Variants in PML observed in about 807,000 individuals in gnomAD.
The protein encoded by PML is protein PML.
PML carries 28 observed loss-of-function variants against 65.2 expected under a neutral mutation model. That is an observed-to-expected ratio of 0.43 (90% confidence interval 0.32 to 0.59). The LOEUF is 0.59. Ranked by LOEUF, PML falls within the 20% of genes least tolerant of loss-of-function variation. PML has a pLI of 0.08. For synonymous variants in PML, 500 were observed against 508.8 expected, an observed-to-expected ratio of 0.98 and a Z score of 0.23; for missense variants, 1,021 against 1,203.4, an observed-to-expected ratio of 0.85 and a Z score of 2.24.
chr15:74,035,910 C>T lies in PML; in HGVS notation c.1710+1380C>T. The T allele has an allele frequency of 6.2e-7, 1 of 1,613,892 alleles. No individual in the cohort carries two copies. The highest frequency in any genetic ancestry group is 8.5e-7 in the Non-Finnish European group (1 of 1,180,024). Reference sequence around the variant, plus strand: ...ACCACCCTGTGCCCCAGAAAGGCCCCCCATCAGCCCAGTCCCAGGCGCCCG... The same window carrying T: ...ACCACCCTGTGCCCCAGAAAGGCCCTCCATCAGCCCAGTCCCAGGCGCCCG... On this transcript the variant is annotated intron_variant, in intron 7 of 8. Transcript: ENST00000268058. The surrounding 1 kb of genome is among the most constrained non-coding windows in gnomAD (Gnocchi z 4.1).
Position 74,044,481 on chromosome 15 carries a change from C to T in PML, c.2122C>T (p.Leu708=). 1 of 1,614,036 alleles carries T rather than the reference C, an allele frequency of 6.2e-7. No homozygotes were observed. Among genetic ancestry groups the T allele is most frequent in the Non-Finnish European group, 8.5e-7 (1 of 1,179,970 alleles). The change falls in exon 9 of 9, where the codon CTG becomes TTG. Residue 708 remains leucine, a synonymous_variant. Transcript: ENST00000268058. ...ATTCCAGGAGGCCATCTCGGGCTTC[C>T]TGGCTGCCCTGCCTCTCATCCGGGA... The part of the protein sequence containing the change: ...WEFQEAISGF[L]AALPLIRERV...
At chr15:74,044,059 C>A (rs188384697) in intron 8 of PML, among the ~76,000 whole-genome samples, 162 bp from the exon 9 acceptor site, 6 of 152,234 alleles carry the variant, frequency 3.9e-5, no homozygotes, top group Admixed American at 2.6e-4. Flanking sequence ...CCCACCACAA[C>A]CAGGATCAGA....
At chr15:74,033,912 G>A in intron 6 of PML, 1 of 387,198 alleles carries the variant, frequency 2.6e-6, no homozygotes, top group Non-Finnish European at 4.7e-6. Context: ...CAGTTGGGCA[G>A]GAGTTGAGGT....
In PML at chr15:74,023,101, T is replaced by C. The variant is rs1354430443; in HGVS notation, c.876T>C (p.Ala292=). Residue 292 remains alanine (A), a synonymous_variant, in exon 3 of 9, where the codon GCT becomes GCC. Transcript: ENST00000268058. ...RVRQVVAHVR[A]QERELLEAVD... Reference sequence around the variant, plus strand: ...GCCAGGTGGTAGCTCACGTGCGGGCTCAGGAGCGCGAGCTGCTGGAGGCTG... The same window carrying C: ...GCCAGGTGGTAGCTCACGTGCGGGCCCAGGAGCGCGAGCTGCTGGAGGCTG... 13 of 1,603,338 alleles carry C rather than the reference T, an allele frequency of 8.1e-6. No homozygotes were observed. The highest frequency in any genetic ancestry group is 1.1e-5 in the Non-Finnish European group (13 of 1,178,948).
At chr15:74,021,319 G>A (rs1278625443) in intron 2 of PML, among the ~76,000 whole-genome samples, 1 of 152,188 alleles carries the variant, frequency 6.6e-6, no homozygotes, top group Non-Finnish European at 1.5e-5. Flanking sequence ...AGGCACGGTG[G>A]CTCACACCTG....
Position 74,042,771 on chromosome 15 carries a change from A to T in PML, c.1711-218A>T. On this transcript the variant is annotated intron_variant, in intron 7 of 8. Transcript: ENST00000268058. This position sits in a 1 kb window ranked among gnomAD's most constrained non-coding sequence, Gnocchi z 5.3. Reference sequence around the variant, plus strand: ...CTTCCTCCCCTACTCATGAGGGTGTATGCCCTGGTTCATACATGTAACCCT... The same window carrying T: ...CTTCCTCCCCTACTCATGAGGGTGTTTGCCCTGGTTCATACATGTAACCCT... 5 of 985,280 alleles carry T rather than the reference A, an allele frequency of 5.1e-6. No homozygotes were observed. The highest frequency in any genetic ancestry group is 6.0e-6 in the Non-Finnish European group (5 of 829,872). 61.0% of individuals were successfully genotyped at this position (985,280 alleles called of 1,614,324 possible). A position where few individuals can be genotyped will look rare whatever the true frequency, so the allele number is the denominator to read the frequency against.
At chr15:74,004,109 T>A (rs1449518265) in intron 2 of PML, among the ~76,000 whole-genome samples, 3 of 152,192 alleles carry the variant, frequency 2.0e-5, no homozygotes, top group Non-Finnish European at 2.9e-5. Context: ...TTATTTATTT[T>A]TATTTATTTT....
Position 74,037,181 on chromosome 15 carries a change from C to T in PML, c.1710+2651C>T. On this transcript the variant is annotated intron_variant, in intron 7 of 8. Coordinates refer to ENST00000268058, the MANE Select transcript of PML (RefSeq NM_033238.3). The surrounding 1 kb of genome is among the most constrained non-coding windows in gnomAD (Gnocchi z 4.2). Reference sequence around the variant, plus strand: ...TGCTCTGCAGGGCAGCCCCCGCCTGCCTTTCTTCACTGGGCCCTTGTCCCA... The same window carrying T: ...TGCTCTGCAGGGCAGCCCCCGCCTGTCTTTCTTCACTGGGCCCTTGTCCCA... 2 of 985,448 alleles carry T rather than the reference C, an allele frequency of 2.0e-6. No homozygotes were observed. The highest frequency in any genetic ancestry group is 9.4e-5 in the South Asian group (2 of 21,288). The allele number at this position is 985,448 out of a possible 1,614,324, so 61.0% of individuals were successfully genotyped here.
intron 7 of PML, 131 bp downstream of exon 7, chr15:74,034,661 C>A: frequency 6.3e-7 from 1 of 1,594,044 alleles, no homozygotes; most frequent in East Asian, 2.3e-5. Flanking sequence ...CATTGAGTCC[C>A]AAGCTGTGCT....
chr15:74,026,409 A>T (rs1023055371), intron 4 of PML: 1 of 152,138 alleles, frequency 6.6e-6, no homozygotes, highest in Admixed American at 6.6e-5. Flanking sequence ...TGACCTCATG[A>T]TCTGCCCGCC....
At chr15:74,001,413 C>G (rs1360463795) in intron 2 of PML, among the ~76,000 whole-genome samples, 1 of 151,606 alleles carries the variant, frequency 6.6e-6, no homozygotes. Context: ...GATCTTGGCT[C>G]ACTGCAACCT....
rs1449390274 is a variant in PML, at chr15:74,023,320, G to T, written c.1095G>T (p.Gln365His). The T allele has an allele frequency of 9.3e-6, 15 of 1,607,912 alleles. No homozygotes were observed. The highest frequency in any genetic ancestry group is 1.2e-5 in the Non-Finnish European group (14 of 1,179,810). ...ALCRLRQEEP[Q>H]SLQAAVRTDG... Reference sequence around the variant, plus strand: ...GCCGCCTGCGCCAGGAGGAGCCCCAGAGCCTGCAAGCTGCCGTGCGCACCG... The same window carrying T: ...GCCGCCTGCGCCAGGAGGAGCCCCATAGCCTGCAAGCTGCCGTGCGCACCG... Residue 365 changes from glutamine (Q) to histidine (H), a missense_variant, in exon 3 of 9, where the codon CAG (glutamine) becomes CAT (histidine). Transcript: ENST00000268058.
intron 2 of PML, among the ~76,000 whole-genome samples, chr15:74,019,416 G>T (rs2070738224): frequency 6.6e-6 from 1 of 152,164 alleles, no homozygotes; most frequent in Admixed American, 6.5e-5. Flanking sequence ...CTATAGAATT[G>T]CCCACATTTA....
chr15:74,010,039 G>A (rs2070248361), intron 2 of PML, among the ~76,000 whole-genome samples: 1 of 151,648 alleles, frequency 6.6e-6, no homozygotes, highest in Admixed American at 6.6e-5. Context: ...TTTTGAGACA[G>A]GGACTTGCTC....
At position 74,044,511 on chromosome 15, in the gene PML, G is replaced by GT; in HGVS notation, c.2153dup (p.Pro719AlafsTer34). ...TGCCCTGCCTCTCATCCGGGAGCGT[G>GT]TGCCCGGGGCCAGCAGCTTCAAACT... On this transcript the variant is annotated frameshift_variant, in exon 9 of 9. Transcript: ENST00000268058. LOFTEE classifies it low-confidence loss of function (END_TRUNC). 6.2e-7 allele frequency: 1 copy of GT among 1,614,100 alleles called. No homozygotes were observed. The highest frequency in any genetic ancestry group is 8.5e-7 in the Non-Finnish European group (1 of 1,180,022).
chr15:74,005,154 G>C (rs1280854777), intron 2 of PML, among the ~76,000 whole-genome samples: 1 of 152,150 alleles, frequency 6.6e-6, no homozygotes, highest in Non-Finnish European at 1.5e-5. Flanking sequence ...CTGGGTTCAA[G>C]TGATTTTCCT....
intron 2 of PML, among the ~76,000 whole-genome samples, chr15:74,019,214 G>A (rs77437865): frequency 1.2e-4 from 19 of 152,260 alleles, no homozygotes; most frequent in African/African-American, 3.9e-4. Context: ...AGGACCCAGC[G>A]GAGGCTATGG....
intron 2 of PML, among the ~76,000 whole-genome samples, chr15:74,013,673 A>T (rs1197345147): frequency 2.6e-5 from 4 of 152,186 alleles, no homozygotes; most frequent in Non-Finnish European, 5.9e-5. Context: ...CAACTCATAT[A>T]TTGCTATGTT....
chr15:74,025,131 A>T, intron 4 of PML: 1 of 581,468 alleles, frequency 1.7e-6, no homozygotes, highest in Non-Finnish European at 3.1e-6. Flanking sequence ...TAGGCTCCTA[A>T]ATGCCAAAGT....
Sources: allele counts gnomAD v4.1 joint callset (sites outside exome capture counted in the v4.1 genomes callset), GRCh38; gene constraint gnomAD v4.1.1; non-coding constraint Gnocchi (gnomAD v3.1); transcripts MANE v1.5; gene names NCBI Gene and HGNC (gene_info 2026-07-23, HGNC 2026-07-21).